Variants in PTCD3 observed in about 807,000 individuals in gnomAD.
PTCD3 encodes the protein pentatricopeptide repeat domain 3, also known as small ribosomal subunit protein mS39.
A neutral mutation model predicts 101.9 loss-of-function variants in PTCD3; 89 were observed. That is an observed-to-expected ratio of 0.87 (90% CI 0.74 to 1.04). The LOEUF (loss-of-function observed/expected upper bound fraction) is 1.04. PTCD3 is among the 50% of genes least tolerant of loss of function. PTCD3 has a pLI of 0.00. For synonymous variants in PTCD3, 296 were observed against 278.5 expected (o/e 1.06, Z -0.63); for missense variants, 870 against 828.2 (o/e 1.05, Z -0.62).
Position 86,137,653 on chromosome 2 carries a change from GAAGAA to G in PTCD3, c.*99_*103del. 6.5e-7 allele frequency: 1 copy of G among 1,544,972 alleles called. No homozygotes were observed. Among genetic ancestry groups the G allele is most frequent in the Non-Finnish European group, 8.8e-7 (1 of 1,142,668 alleles). On this transcript the variant is annotated 3_prime_UTR_variant, in exon 24 of 24. Transcript: ENST00000254630. ...TACCAATATTTAACATTGTTACAAA[GAAGAA>G]AAGATACAGATTTGGTGAATTTGTT...
intron 15 of PTCD3, 100 bp downstream of exon 15, chr2:86,130,837 A>C: frequency 7.5e-7 from 1 of 1,333,702 alleles, no homozygotes; most frequent in Non-Finnish European, 9.8e-7. Context: ...GCTTAGAAGT[A>C]TTTTTTTTTT....
intron 6 of PTCD3, 32 bp downstream of exon 6, chr2:86,117,191 T>C (rs751808849): frequency 4.2e-5 from 33 of 794,638 alleles, no homozygotes; most frequent in Non-Finnish European, 6.9e-5. Context: ...ATTTACATAA[T>C]ACTATTTTAA....
intron 1 of PTCD3, among the ~76,000 whole-genome samples, chr2:86,106,834 G>C (rs1573844041): frequency 6.6e-6 from 1 of 152,176 alleles, no homozygotes; most frequent in South Asian, 2.1e-4. Context: ...ATGCCCTTTT[G>C]ATCTGTGATA....
In PTCD3 at chr2:86,125,488, A is replaced by G. The variant is rs559540878; in HGVS notation, c.838A>G (p.Thr280Ala). The G allele has an allele frequency of 6.2e-7, 1 of 1,612,914 alleles. No individual in the cohort carries two copies. Among genetic ancestry groups the G allele is most frequent in the Admixed American group, 1.7e-5 (1 of 60,026 alleles). ...RAYEQALNLYTELLNNRLHAD... is the reference protein window; with the variant it reads ...RAYEQALNLYAELLNNRLHAD... ...TTATGAGCAGGCATTAAACTTGTACACTGAGTTACTAAACAACAGACTCCA... is the reference window on the plus strand; with the variant it reads ...TTATGAGCAGGCATTAAACTTGTACGCTGAGTTACTAAACAACAGACTCCA... Residue 280 changes from threonine to alanine, a missense_variant, in exon 11 of 24, where the codon ACT becomes GCT. Thr to Ala is a moderately conservative substitution (Grantham distance 58, BLOSUM62 0). Coordinates refer to ENST00000254630, the MANE Select transcript of PTCD3 (RefSeq NM_017952.6).
Position 86,141,025 on chromosome 2 carries a change from G to A in PTCD3, c.*3466G>A, listed in dbSNP as rs1573862557. The A allele has an allele frequency of 1.3e-5, 2 of 151,844 alleles. No homozygotes were observed. Among genetic ancestry groups the A allele is most frequent in the South Asian group, 2.1e-4 (1 of 4,828 alleles). The allele number at this position is 151,844 out of a possible 1,614,324, so 9.4% of individuals were successfully genotyped here. ...CTGTGATTTAAGATGCTCGAAAAGAGTGTCCAAGAGGAGTAAAGGTCATGA... is the reference window on the plus strand; with the variant it reads ...CTGTGATTTAAGATGCTCGAAAAGAATGTCCAAGAGGAGTAAAGGTCATGA... On this transcript the variant is annotated 3_prime_UTR_variant, in exon 24 of 24. Transcript: ENST00000254630.
rs950468196 is a variant in PTCD3 at position 86,136,657 on chromosome 2, C to T, written c.1820+95C>T. 4.3e-5 allele frequency: 60 copies of T among 1,403,624 alleles called. 1 individual carries two copies. The highest frequency in any genetic ancestry group is 5.7e-5 in the African/African-American group (4 of 70,226). 86.9% of individuals were successfully genotyped at this position (1,403,624 alleles called of 1,614,324 possible). A position where few individuals can be genotyped will look rare whatever the true frequency, so the allele number is the denominator to read the frequency against. On this transcript the variant is annotated intron_variant, in intron 22 of 23. Coordinates refer to ENST00000254630, the MANE Select transcript of PTCD3 (RefSeq NM_017952.6). ...GCCTTAGCCACCACATTTGGGCACT[C>T]TTCTGTTAGGCAAGCATACCGTCAA...
chr2:86,123,838 A>G (rs564745991), intron 9 of PTCD3, 76 bp downstream of exon 9: 2 of 976,788 alleles, frequency 2.0e-6, no homozygotes, highest in Middle Eastern at 2.3e-4. Flanking sequence ...CCCTGTGAAG[A>G]TGTTTTCTTG....
chr2:86,127,206 CAG>C lies in PTCD3; in HGVS notation c.999_1000del (p.Gln333HisfsTer3). 1 of 1,613,740 alleles carries C rather than the reference CAG, an allele frequency of 6.2e-7. No homozygotes were observed. Among genetic ancestry groups the C allele is most frequent in the Non-Finnish European group, 8.5e-7 (1 of 1,179,766 alleles). On this transcript the variant is annotated frameshift_variant, in exon 13 of 24. Transcript: ENST00000254630. LOFTEE classifies it high-confidence loss of function. ...TGCACAGAAGGTGAAACCAAATCTT[CAG>C]ACTTTTAATACCATTCTGAAATGTC... ...MVAQKVKPNL[Q>X]TFNTILKCLR...
chr2:86,113,416 G>A (rs1299137101), intron 4 of PTCD3, among the ~76,000 whole-genome samples: 2 of 151,922 alleles, frequency 1.3e-5, no homozygotes, highest in East Asian at 3.9e-4. Context: ...CTTTTTTTCT[G>A]CCACAGTATC....
At chr2:86,106,971 T>A in intron 1 of PTCD3, 1 of 360,348 alleles carries the variant, frequency 2.8e-6, no homozygotes, top group Non-Finnish European at 5.6e-6. Flanking sequence ...TAATTTTAGG[T>A]TTAGTGTTTG....
At chr2:86,112,355 CTT>C (rs368645963) in intron 4 of PTCD3, among the ~76,000 whole-genome samples, 7 of 138,804 alleles carry the variant, frequency 5.0e-5, no homozygotes, top group Admixed American at 7.2e-5. Context: ...AGTGCCCGGC[CTT>C]TTTTTTTTTT....
chr2:86,116,693 T>A, intron 5 of PTCD3, 95 bp downstream of exon 5: 1 of 936,468 alleles, frequency 1.1e-6, no homozygotes, highest in Non-Finnish European at 1.7e-6. Context: ...GGGAAAGGTT[T>A]ACAAATGCTG....
chr2:86,134,895 A>C lies in PTCD3; in HGVS notation c.1686A>C (p.Gln562His). The C allele has an allele frequency of 6.2e-7, 1 of 1,614,134 alleles. No individual in the cohort carries two copies. Among genetic ancestry groups the C allele is most frequent in the South Asian group, 1.1e-5 (1 of 91,084 alleles). The change falls in exon 21 of 24, where the codon CAA (glutamine) becomes CAC (histidine). Residue 562 changes from glutamine to histidine, a missense_variant. Physicochemically the swap from Gln to His is conservative, Grantham distance 24. Transcript: ENST00000254630. ...ATATCAAATCTGCGTATGAAAGCCA[A>C]CCCATCAGACAGACTGCTCAGGATT... ...AADIKSAYES[Q>H]PIRQTAQDWP...
intron 4 of PTCD3, among the ~76,000 whole-genome samples, chr2:86,114,896 C>T (rs1367275454): frequency 6.6e-6 from 1 of 152,216 alleles, no homozygotes; most frequent in African/African-American, 2.4e-5. Context: ...AGATTCAACA[C>T]AGGACATGCT....
At chr2:86,128,387 T>C (rs1404599187) in intron 14 of PTCD3, among the ~76,000 whole-genome samples, 1 of 152,126 alleles carries the variant, frequency 6.6e-6, no homozygotes, top group Non-Finnish European at 1.5e-5. Context: ...GGCAGTGATG[T>C]TGTACAAACA....
rs542474831 is a variant in PTCD3, at chr2:86,130,922, A to C, written c.1238-156A>C. 315 of 1,421,322 alleles carry C rather than the reference A, an allele frequency of 2.2e-4. 2 individuals carry two copies. The African/African-American group carries it at 4.1e-3, about 19-fold the overall frequency. The allele number at this position is 1,421,322 out of a possible 1,614,324, so 88.0% of individuals were successfully genotyped here. A position where few individuals can be genotyped will look rare whatever the true frequency, so the allele number is the denominator to read the frequency against. ...TTGCCATGGTCTTTCTGAGAAAGCC[A>C]AAATTGTGGTACATTCCTGCCTCTC... On this transcript the variant is annotated intron_variant, in intron 15 of 23. Transcript: ENST00000254630.
At chr2:86,132,800 G>T (rs1674516869) in intron 17 of PTCD3, 3 of 304,710 alleles carry the variant, frequency 9.8e-6, no homozygotes, top group East Asian at 1.3e-4. Flanking sequence ...CCCTAAATGG[G>T]TTTGCTTTTA....
At chr2:86,108,904 G>A in intron 3 of PTCD3, 1 of 187,812 alleles carries the variant, frequency 5.3e-6, no homozygotes, top group Admixed American at 6.1e-5. Flanking sequence ...TCTCTAATGA[G>A]GTAAAAATAA....
chr2:86,121,062 G>C (rs1674271337), intron 7 of PTCD3, among the ~76,000 whole-genome samples: 1 of 152,094 alleles, frequency 6.6e-6, no homozygotes, highest in African/African-American at 2.4e-5. Flanking sequence ...GTATTTCTAG[G>C]CAAGTTTTCA....
Sources: gnomAD v4.1 joint callset for allele counts (sites outside exome capture counted in the v4.1 genomes callset) on GRCh38, gnomAD v4.1.1 for gene constraint, MANE v1.5 for transcripts, NCBI Gene and HGNC (gene_info 2026-07-23, HGNC 2026-07-21) for gene names.